The following PAPSS1 variants were observed in gnomAD, a reference collection of about 807,000 sequenced individuals.
PAPSS1 encodes the protein bifunctional 3'-phosphoadenosine 5'-phosphosulfate synthase 1.
A neutral mutation model predicts 72.0 loss-of-function variants in PAPSS1; 50 were observed. The observed-to-expected ratio is 0.69, with a 90% CI of 0.55 to 0.88. PAPSS1 has a LOEUF of 0.88. Among genes scored for constraint, PAPSS1 ranks in the 40% least tolerant of loss-of-function variants. The pLI is 0.00. For synonymous variants in PAPSS1, 261 were observed against 263.6 expected, an observed-to-expected ratio of 0.99 and a Z score of 0.09; for missense variants, 657 against 782.2, an observed-to-expected ratio of 0.84 and a Z score of 1.91.
intron 5 of PAPSS1, among the ~76,000 whole-genome samples, chr4:107,669,614 T>C (rs112051638): frequency 0.011 from 1,663 of 152,180 alleles, 35 homozygotes; most frequent in African/African-American, 0.036. Context: ...ACTAAAAAGA[T>C]CAACTAAGTA....
At chr4:107,661,900 G>GA (rs1727192486) in intron 5 of PAPSS1, among the ~76,000 whole-genome samples, 1 of 152,128 alleles carries the variant, frequency 6.6e-6, no homozygotes, top group Non-Finnish European at 1.5e-5. Flanking sequence ...TATGGGTTCT[G>GA]AAAATCTAAG....
chr4:107,644,773 C>T (rs767272282), intron 10 of PAPSS1, 29 bp downstream of exon 10: 7 of 1,579,878 alleles, frequency 4.4e-6, no homozygotes, highest in Non-Finnish European at 6.0e-6. Context: ...TTTAACACTG[C>T]TGCAGTGAAA....
chr4:107,633,917 TC>T (rs1308199887), intron 10 of PAPSS1, among the ~76,000 whole-genome samples: 3 of 46,098 alleles, frequency 6.5e-5, no homozygotes, highest in African/African-American at 1.3e-4. Context: ...AGACTCCGTC[TC>T]AAAAAAAAAA....
intron 10 of PAPSS1, among the ~76,000 whole-genome samples, chr4:107,640,227 T>C (rs1044476454): frequency 2.0e-5 from 3 of 152,198 alleles, no homozygotes; most frequent in African/African-American, 7.2e-5. Flanking sequence ...TGTGTATCTA[T>C]AACACCATTT....
intron 5 of PAPSS1, among the ~76,000 whole-genome samples, chr4:107,677,245 G>A (rs976608826): frequency 1.2e-4 from 19 of 152,138 alleles, no homozygotes; most frequent in African/African-American, 4.3e-4. Flanking sequence ...AGAGTGAACA[G>A]GCAACCCACA....
chr4:107,681,453 T>A (rs1452548907), intron 5 of PAPSS1, among the ~76,000 whole-genome samples: 1 of 152,292 alleles, frequency 6.6e-6, no homozygotes, highest in East Asian at 1.9e-4. Flanking sequence ...GACTAAAGTC[T>A]GAAGGAACCG....
rs918067723 is a variant in PAPSS1, at chr4:107,623,747, A to G, written c.1736+7884T>C. 6.6e-5 allele frequency among the ~76,000 whole-genome samples: 10 copies of G among 152,136 alleles called. 1 individual carries two copies. The highest frequency in any genetic ancestry group is 5.9e-4 in the Admixed American group (9 of 15,280). On this transcript the variant is annotated intron_variant, in intron 11 of 11. Transcript: ENST00000265174. The stretch of plus-strand genomic sequence containing the variant: ...AGTTGTATTTTCTATCCCCATCTAC[A>G]CTATGAGGCATTGAAAATCAATACT...
At chr4:107,652,579 C>T (rs1356231959) in intron 9 of PAPSS1, among the ~76,000 whole-genome samples, 1 of 152,090 alleles carries the variant, frequency 6.6e-6, no homozygotes, top group Non-Finnish European at 1.5e-5. Flanking sequence ...CCATAAGCTC[C>T]TAGAGTATTT....
At chr4:107,684,219 A>AT (rs932001304) in intron 4 of PAPSS1, among the ~76,000 whole-genome samples, 2 of 152,096 alleles carry the variant, frequency 1.3e-5, no homozygotes, top group Non-Finnish European at 2.9e-5. Context: ...CTAAACTCTG[A>AT]TTTTTTATCT....
intron 10 of PAPSS1, among the ~76,000 whole-genome samples, chr4:107,644,138 T>C (rs991082895): frequency 6.6e-6 from 1 of 152,172 alleles, no homozygotes; most frequent in African/African-American, 2.4e-5. Flanking sequence ...GAGTTGAATC[T>C]GAGGCCAGGG....
chr4:107,674,111 C>T (rs968954534), intron 5 of PAPSS1, among the ~76,000 whole-genome samples: 3 of 150,516 alleles, frequency 2.0e-5, no homozygotes, highest in Admixed American at 6.6e-5. Context: ...TTGTAAAGAC[C>T]GAAACCGCAT....
At chr4:107,616,975 C>A (rs1206854217) in intron 11 of PAPSS1, among the ~76,000 whole-genome samples, 1 of 152,166 alleles carries the variant, frequency 6.6e-6, no homozygotes, top group Admixed American at 6.5e-5. Flanking sequence ...TCTGACCTCA[C>A]TCACCTCCAC....
rs1224603069 is a variant in PAPSS1, at chr4:107,711,843, G to A, written c.60+8277C>T. Reference sequence around the variant, plus strand: ...ATATTTTAAATATTAATAAGTCAATGATAAAAAGCAAGTGAAGATCATACA... The same window carrying A: ...ATATTTTAAATATTAATAAGTCAATAATAAAAAGCAAGTGAAGATCATACA... On this transcript the variant is annotated intron_variant, in intron 1 of 11. Transcript: ENST00000265174. Among the ~76,000 whole-genome samples, 3 of 152,178 alleles carry A rather than the reference G, an allele frequency of 2.0e-5. 1 individual carries two copies. Among genetic ancestry groups the A allele is most frequent in the Admixed American group, 2.0e-4 (3 of 15,282 alleles).
chr4:107,684,795 ATGTAT>A (rs1386537816), intron 4 of PAPSS1, among the ~76,000 whole-genome samples: 1 of 151,988 alleles, frequency 6.6e-6, no homozygotes, highest in East Asian at 1.9e-4. Flanking sequence ...CCTCTCTAAA[ATGTAT>A]AAAACCAAGC....
chr4:107,627,156 C>A (rs1726120216), intron 11 of PAPSS1, among the ~76,000 whole-genome samples: 1 of 152,192 alleles, frequency 6.6e-6, no homozygotes, highest in African/African-American at 2.4e-5. Flanking sequence ...ATTAAACCAA[C>A]TGATCATGCA....
chr4:107,631,959 T>C, intron 10 of PAPSS1, 99 bp from the exon 11 acceptor site: 1 of 763,590 alleles, frequency 1.3e-6, no homozygotes, highest in Non-Finnish European at 2.0e-6. Flanking sequence ...ATAAAATCAT[T>C]ATCGGTAGGA....
intron 5 of PAPSS1, among the ~76,000 whole-genome samples, chr4:107,661,875 C>T (rs547086141): frequency 6.6e-6 from 1 of 152,226 alleles, no homozygotes; most frequent in Non-Finnish European, 1.5e-5. Context: ...TGCTACCACT[C>T]AATCAATCAA....
At position 107,720,222 on chromosome 4, in the gene PAPSS1, A is replaced by ATTCTCTGCGCC. The variant is rs772931378; in HGVS notation, c.-44_-43insGGCGCAGAGAA. 1 of 1,579,420 alleles carries ATTCTCTGCGCC rather than the reference A, an allele frequency of 6.3e-7. No homozygotes were observed. The stretch of plus-strand genomic sequence containing the variant: ...AGCAGCCGGGGTTCTCTGCGCCGGG[A>ATTCTCTGCGCC]GGGTAGCAAGAGGAGGGCAGGCCAG... On this transcript the variant is annotated 5_prime_UTR_variant, in exon 1 of 12. Transcript: ENST00000265174.
In PAPSS1 at chr4:107,654,799, G is replaced by A. The variant is rs35176475; in HGVS notation, c.997C>T (p.Arg333Cys). The A allele has an allele frequency of 0.019, 29,976 of 1,613,746 alleles. 328 individuals carry two copies. Among genetic ancestry groups the A allele is most frequent in the Middle Eastern group, 0.023 (139 of 6,060 alleles). Residue 333 changes from arginine to cysteine, a missense_variant, in exon 8 of 12, where the codon CGC becomes TGC. Transcript: ENST00000265174. ...CTAFALMYEG[R>C]RVAILRNPEF... ...GGATTGCGAAGAATGGCCACACGGC[G>A]GCCCTCATACATCAGAGCAAATGCT...
Sources: gnomAD v4.1 joint callset for allele counts (sites outside exome capture counted in the v4.1 genomes callset) on GRCh38, gnomAD v4.1.1 for gene constraint, MANE v1.5 for transcripts, NCBI Gene and HGNC (gene_info 2026-07-23, HGNC 2026-07-21) for gene names.